Variants in ARFGEF2 observed in about 807,000 individuals in gnomAD.
The protein encoded by ARFGEF2 is ARF guanine nucleotide exchange factor 2.
Under a neutral mutation model 219.9 loss-of-function variants are expected in ARFGEF2, and 74 were observed. The observed-to-expected ratio is 0.34, with a 90% CI of 0.28 to 0.41. The LOEUF (loss-of-function observed/expected upper bound fraction) is 0.41, where lower values mean the gene tolerates loss of function less well. Ranked by LOEUF, ARFGEF2 falls within the 10% of genes least tolerant of loss-of-function variation. The pLI, the probability that ARFGEF2 is intolerant of heterozygous loss-of-function variation, is 1.00. For missense variants in ARFGEF2, 1,743 were observed against 2,218.3 expected (o/e 0.79, Z 4.30); for synonymous variants, 733 against 799.2 (o/e 0.92, Z 1.40).
At position 49,011,959 on chromosome 20, in the gene ARFGEF2, G is replaced by A; in HGVS notation, c.3793G>A (p.Asp1265Asn). The part of the protein sequence containing the change: ...IFQHHFPAAI[D>N]SFQDAVKCLS... ...CCAGCACCATTTTCCTGCAGCCATC[G>A]ATTCCTTTCAGGATGCTGTGAAGTG... Residue 1265 changes from aspartate to asparagine, a missense_variant, in exon 28 of 39, where the codon GAT becomes AAT. This residue lies in a region of ARFGEF2 where 578 missense variants were observed against 664.0 expected (regional missense o/e 0.87). Coordinates refer to ENST00000371917, the MANE Select transcript of ARFGEF2 (RefSeq NM_006420.3). 3.1e-6 allele frequency: 5 copies of A among 1,614,106 alleles called. No homozygotes were observed. Among genetic ancestry groups the A allele is most frequent in the Non-Finnish European group, 4.2e-6 (5 of 1,180,026 alleles).
chr20:48,980,385 G>T (rs572157596), intron 14 of ARFGEF2, among the ~76,000 whole-genome samples: 23 of 152,322 alleles, frequency 1.5e-4, no homozygotes, highest in African/African-American at 5.5e-4. Context: ...ATTTGCTGAG[G>T]AGTGCTTTAC....
intron 12 of ARFGEF2, among the ~76,000 whole-genome samples, chr20:48,974,514 A>C (rs1421104682): frequency 1.3e-5 from 2 of 152,142 alleles, no homozygotes; most frequent in Non-Finnish European, 2.9e-5. Context: ...AACATTGTTC[A>C]TTTTAGGAAA....
At chr20:48,959,330 T>G (rs1269166449) in intron 6 of ARFGEF2, among the ~76,000 whole-genome samples, 2 of 151,640 alleles carry the variant, frequency 1.3e-5, no homozygotes, top group African/African-American at 4.9e-5. Context: ...GAAAGGAACT[T>G]GGAAATATCT....
chr20:49,007,702 G>A (rs2091471144), intron 26 of ARFGEF2, among the ~76,000 whole-genome samples: 1 of 148,506 alleles, frequency 6.7e-6, no homozygotes, highest in Non-Finnish European at 1.5e-5. Context: ...TCCTTGACAT[G>A]TCTCTCTTTC....
intron 4 of ARFGEF2, 78 bp downstream of exon 4, chr20:48,951,547 A>C: frequency 6.3e-7 from 1 of 1,592,006 alleles, no homozygotes; most frequent in Non-Finnish European, 8.6e-7. Flanking sequence ...CTAATTTACT[A>C]TGTGTTAGTT....
intron 1 of ARFGEF2, among the ~76,000 whole-genome samples, chr20:48,928,192 CTTTTTTTT>C (rs747462352): frequency 1.9e-5 from 2 of 104,762 alleles, no homozygotes; most frequent in East Asian, 2.9e-4. Flanking sequence ...GTGTTGCAAT[CTTTTTTTT>C]TTTTTTTTTT....
In ARFGEF2 at chr20:48,991,058, G is replaced by A. The variant is rs2123465176; in HGVS notation, c.2833G>A (p.Val945Ile). Residue 945 changes from valine (V) to isoleucine (I), a missense_variant, in exon 21 of 39, where the codon GTT (valine) becomes ATT (isoleucine). This residue lies in a region of ARFGEF2 where 666 missense variants were observed against 955.4 expected (regional missense o/e 0.70). Coordinates refer to ENST00000371917, the MANE Select transcript of ARFGEF2 (RefSeq NM_006420.3). ...FGMQLERDAY[V>I]QALARFSLLT... is the part of the protein sequence containing the mutation. ...GTTACAGCTGGAACGAGATGCCTAT[G>A]TTCAGGCTCTTGCTCGCTTCTCCCT... 6.2e-7 allele frequency: 1 copy of A among 1,614,162 alleles called. No homozygotes were observed. Among genetic ancestry groups the A allele is most frequent in the East Asian group, 2.2e-5 (1 of 44,884 alleles).
rs758659383 is a variant in ARFGEF2 at position 48,971,278 on chromosome 20, A to T, written c.1349A>T (p.Asp450Val). 1 of 1,614,160 alleles carries T rather than the reference A, an allele frequency of 6.2e-7. No individual in the cohort carries two copies. The highest frequency in any genetic ancestry group is 8.5e-7 in the Non-Finnish European group (1 of 1,180,042). Residue 450 changes from aspartate (D) to valine (V), a missense_variant, in exon 10 of 39, where the codon GAT becomes GTT. By Grantham distance (152) the Asp-to-Val change is radical (BLOSUM62 -3). Around this residue, in one of 5 missense-constraint regions of ARFGEF2, gnomAD observed 666 missense variants for 955.4 expected, o/e 0.70. Coordinates refer to ENST00000371917, the MANE Select transcript of ARFGEF2 (RefSeq NM_006420.3). ...LSKNGVSSVP[D>V]VFELSLAIFL... ...AAAAACGGCGTCTCTTCAGTGCCTG[A>T]TGTCTTTGAGCTCTCTCTTGCCATT...
chr20:48,990,206 G>A (rs749044845), intron 20 of ARFGEF2, among the ~76,000 whole-genome samples: 1 of 151,958 alleles, frequency 6.6e-6, no homozygotes, highest in Non-Finnish European at 1.5e-5. Flanking sequence ...ATAATAATAG[G>A]TAGGGTCCAA....
At chr20:48,955,550 G>GA in intron 6 of ARFGEF2, among the ~76,000 whole-genome samples, 1 of 152,152 alleles carries the variant, frequency 6.6e-6, no homozygotes, top group Non-Finnish European at 1.5e-5. Flanking sequence ...AATGAATGGG[G>GA]AAAAAACGTT....
At chr20:48,951,501 A>G in intron 4 of ARFGEF2, 32 bp downstream of exon 4, 3 of 1,613,958 alleles carry the variant, frequency 1.9e-6, no homozygotes, top group Non-Finnish European at 2.5e-6. Flanking sequence ...TCTGGTTTTT[A>G]AATTAGAAAG....
At chr20:48,966,460 C>G (rs1057219398) in intron 8 of ARFGEF2, among the ~76,000 whole-genome samples, 3 of 152,154 alleles carry the variant, frequency 2.0e-5, no homozygotes, top group African/African-American at 7.2e-5. Flanking sequence ...TATTTTTCCA[C>G]TTAAATAGAA....
Position 49,012,057 on chromosome 20 carries a change from T to C in ARFGEF2, c.3891T>C (p.Cys1297=), listed in dbSNP as rs2091503135. The change falls in exon 28 of 39, where the codon TGT becomes TGC. Residue 1297 remains cysteine, a synonymous_variant. Coordinates refer to ENST00000371917, the MANE Select transcript of ARFGEF2 (RefSeq NM_006420.3). ...SMEAIRLIRF[C]GKYVSERPRV... ...AAGCGATTCGGCTCATCCGCTTCTG[T>C]GGCAAATACGTCTCTGAGAGGCCTC... 1 of 1,614,104 alleles carries C rather than the reference T, an allele frequency of 6.2e-7. No homozygotes were observed. The highest frequency in any genetic ancestry group is 8.5e-7 in the Non-Finnish European group (1 of 1,180,054).
chr20:49,034,738 TG>T lies in ARFGEF2; in HGVS notation c.*1541del, dbSNP rs921876611. The T allele has an allele frequency of 1.3e-5, 2 of 152,360 alleles. No individual in the cohort carries two copies. The highest frequency in any genetic ancestry group is 3.9e-4 in the East Asian group (2 of 5,190). The allele number at this position is 152,360 out of a possible 1,614,324, so 9.4% of individuals were successfully genotyped here. ...TTTTTTCTTTGTAGAGAAGGATTTCTGGTGCTTTTGCTTACTAAGAGACCGA... is the reference window on the plus strand; with the variant it reads ...TTTTTTCTTTGTAGAGAAGGATTTCTGTGCTTTTGCTTACTAAGAGACCGA... On this transcript the variant is annotated 3_prime_UTR_variant, in exon 39 of 39. Coordinates refer to ENST00000371917, the MANE Select transcript of ARFGEF2 (RefSeq NM_006420.3).
intron 1 of ARFGEF2, among the ~76,000 whole-genome samples, chr20:48,930,724 G>A (rs1295239613): frequency 6.6e-6 from 1 of 152,176 alleles, no homozygotes; most frequent in Non-Finnish European, 1.5e-5. Context: ...CCAGTTGTAT[G>A]AGCCTGATGT....
At chr20:48,938,977 T>G (rs1004423358) in intron 1 of ARFGEF2, among the ~76,000 whole-genome samples, 4 of 147,508 alleles carry the variant, frequency 2.7e-5, no homozygotes, top group African/African-American at 1.0e-4. Flanking sequence ...GTTTTTTTTG[T>G]TTGTTTTTTT....
At chr20:48,939,898 C>A (rs988090615) in intron 1 of ARFGEF2, among the ~76,000 whole-genome samples, 1 of 152,180 alleles carries the variant, frequency 6.6e-6, no homozygotes, top group African/African-American at 2.4e-5. Context: ...GTGCCATATC[C>A]ACTCTACTGG....
chr20:48,973,082 T>A, intron 11 of ARFGEF2, 63 bp from the exon 12 acceptor site: 1 of 1,600,186 alleles, frequency 6.2e-7, no homozygotes, highest in Non-Finnish European at 8.6e-7. Flanking sequence ...AACATCTTGT[T>A]TGATAAGAAA....
At chr20:48,936,496 G>T (rs1400012815) in intron 1 of ARFGEF2, among the ~76,000 whole-genome samples, 1 of 151,812 alleles carries the variant, frequency 6.6e-6, no homozygotes, top group East Asian at 1.9e-4. Context: ...TCTCGGACGG[G>T]GCGGTTGCCG....
Sources: allele counts gnomAD v4.1 joint callset (sites outside exome capture counted in the v4.1 genomes callset), GRCh38; gene constraint gnomAD v4.1.1; regional missense constraint gnomAD v4.1.1; transcripts MANE v1.5; gene names NCBI Gene and HGNC (gene_info 2026-07-23, HGNC 2026-07-21).